THRB: variants seen among roughly 807,000 people sequenced by gnomAD.
The protein encoded by THRB is thyroid hormone receptor beta.
In THRB, 12 loss-of-function variants were observed where a neutral mutation model predicts 47.8. The ratio of observed to expected loss-of-function variants is 0.25; its 90% CI spans 0.16 to 0.41. The LOEUF (loss-of-function observed/expected upper bound fraction) is 0.41, where lower values mean the gene tolerates loss of function less well. Among genes scored for constraint, THRB ranks in the 10% least tolerant of loss-of-function variants. The pLI is 1.00. For synonymous variants in THRB, 218 were observed against 212.2 expected (o/e 1.03, Z -0.24); for missense variants, 348 against 589.2 (o/e 0.59, Z 4.24).
At chr3:24,397,282 G>C (rs998672575) in intron 1 of THRB, among the ~76,000 whole-genome samples, 3 of 152,098 alleles carry the variant, frequency 2.0e-5, no homozygotes, top group African/African-American at 7.2e-5. Flanking sequence ...TTGAAGATTA[G>C]TTTGAAATAG....
intron 1 of THRB, among the ~76,000 whole-genome samples, chr3:24,418,169 A>G (rs771482000): frequency 6.6e-6 from 1 of 151,508 alleles, no homozygotes; most frequent in African/African-American, 2.4e-5. Context: ...AGCTCTTGTT[A>G]TAGCAGTCTG....
chr3:24,354,495 T>G (rs906463735), intron 1 of THRB, among the ~76,000 whole-genome samples: 5 of 152,168 alleles, frequency 3.3e-5, no homozygotes, highest in Non-Finnish European at 7.4e-5. Context: ...TGGGTTTTCT[T>G]GTCTATATTG....
At chr3:24,152,791 T>C (rs1240488398) in intron 5 of THRB, among the ~76,000 whole-genome samples, 1 of 151,600 alleles carries the variant, frequency 6.6e-6, no homozygotes, top group Non-Finnish European at 1.5e-5. Context: ...CAAAACCCTC[T>C]CTCTACTAAA....
intron 7 of THRB, 87 bp from the exon 8 acceptor site, chr3:24,143,793 A>G (rs1377367727): frequency 2.9e-6 from 4 of 1,379,338 alleles, no homozygotes; most frequent in Non-Finnish European, 4.1e-6. Flanking sequence ...CAGGAGTGGG[A>G]CCACTGATGC....
chr3:24,454,548 G>C (rs1262699720), intron 1 of THRB, among the ~76,000 whole-genome samples: 1 of 152,158 alleles, frequency 6.6e-6, no homozygotes, highest in Non-Finnish European at 1.5e-5. Flanking sequence ...AAATAGAATG[G>C]AATGTAGTTT....
chr3:24,381,462 T>A (rs564111317), intron 1 of THRB, among the ~76,000 whole-genome samples: 1 of 152,130 alleles, frequency 6.6e-6, no homozygotes, highest in Non-Finnish European at 1.5e-5. Context: ...CCTGGCTCAC[T>A]ACCACCACAT....
chr3:24,414,358 T>C (rs534192017), intron 1 of THRB, among the ~76,000 whole-genome samples: 3 of 152,022 alleles, frequency 2.0e-5, no homozygotes, highest in Non-Finnish European at 2.9e-5. Flanking sequence ...AAGTTAATGG[T>C]AAGAACGTAT....
At chr3:24,309,517 A>G (rs953238182) in intron 2 of THRB, among the ~76,000 whole-genome samples, 3 of 152,220 alleles carry the variant, frequency 2.0e-5, no homozygotes, top group Non-Finnish European at 2.9e-5. Flanking sequence ...TCCATGAGGT[A>G]ATAAAATTCT....
At chr3:24,222,294 GC>G (rs2047228100) in intron 4 of THRB, among the ~76,000 whole-genome samples, 1 of 152,196 alleles carries the variant, frequency 6.6e-6, no homozygotes, top group African/African-American at 2.4e-5. Context: ...CCCTTCCTTT[GC>G]TTTCCAAGGT....
intron 8 of THRB, among the ~76,000 whole-genome samples, chr3:24,141,528 T>C (rs1317774094): frequency 6.6e-6 from 1 of 152,250 alleles, no homozygotes; most frequent in Admixed American, 6.5e-5. Flanking sequence ...ATTTTGTTTG[T>C]TTATCTCTTA....
At chr3:24,157,235 T>C (rs11919189) in intron 5 of THRB, among the ~76,000 whole-genome samples, 16,173 of 151,920 alleles carry the variant, frequency 0.11, 1,397 homozygotes, top group African/African-American at 0.23. Flanking sequence ...GCTTGGAGTC[T>C]TGGAGTCTCT....
intron 1 of THRB, among the ~76,000 whole-genome samples, chr3:24,392,037 C>T (rs183526296): frequency 6.6e-6 from 1 of 152,096 alleles, no homozygotes; most frequent in Admixed American, 6.6e-5. Flanking sequence ...ATGGTGGCGA[C>T]CCCGCTGAGA....
intron 1 of THRB, among the ~76,000 whole-genome samples, chr3:24,343,569 A>G (rs774325385): frequency 9.9e-5 from 15 of 152,180 alleles, no homozygotes; most frequent in Non-Finnish European, 1.8e-4. Context: ...CCAAGATACC[A>G]TAACAATTTA....
chr3:24,245,920 T>A (rs13091273), intron 3 of THRB, among the ~76,000 whole-genome samples: 131,404 of 152,200 alleles, frequency 0.86, 57,208 homozygotes, highest in African/African-American at 0.96. Context: ...CACAAAACAA[T>A]ACAAAGCAAA....
At chr3:24,471,093 G>A (rs1157310168) in intron 1 of THRB, among the ~76,000 whole-genome samples, 1 of 152,142 alleles carries the variant, frequency 6.6e-6, no homozygotes, top group Non-Finnish European at 1.5e-5. Context: ...GAAAGAGTGG[G>A]ACCCAACATT....
intron 1 of THRB, among the ~76,000 whole-genome samples, chr3:24,361,473 T>A (rs2064060095): frequency 6.6e-6 from 1 of 152,094 alleles, no homozygotes; most frequent in Admixed American, 6.6e-5. Flanking sequence ...CAAGAGGATG[T>A]GTCCCAAAAA....
At chr3:24,266,782 C>T (rs2052702357) in intron 3 of THRB, among the ~76,000 whole-genome samples, 1 of 152,010 alleles carries the variant, frequency 6.6e-6, no homozygotes, top group Non-Finnish European at 1.5e-5. Context: ...TAAAAATTCA[C>T]CCATACTCTA....
intron 1 of THRB, among the ~76,000 whole-genome samples, chr3:24,429,644 T>C (rs1487371491): frequency 6.6e-6 from 1 of 151,998 alleles, no homozygotes; most frequent in Admixed American, 6.6e-5. Context: ...TCTGAACAAA[T>C]GGGCAAAAAC....
intron 2 of THRB, among the ~76,000 whole-genome samples, chr3:24,313,040 G>A (rs576327998): frequency 7.9e-5 from 12 of 152,298 alleles, no homozygotes; most frequent in South Asian, 2.1e-4. Context: ...GAGTTGCTGA[G>A]AGTTTGGATT....
Sources: gnomAD v4.1 joint callset for allele counts (sites outside exome capture counted in the v4.1 genomes callset) on GRCh38, gnomAD v4.1.1 for gene constraint, MANE v1.5 for transcripts, NCBI Gene and HGNC (gene_info 2026-07-23, HGNC 2026-07-21) for gene names.